The following UNC13B variants were observed in gnomAD, a reference collection of about 807,000 sequenced individuals.
The protein encoded by UNC13B is protein unc-13 homolog B.
In UNC13B, 144 loss-of-function variants were observed where a neutral mutation model predicts 211.0. That is an observed-to-expected ratio of 0.68 (90% CI 0.60 to 0.78). The LOEUF (loss-of-function observed/expected upper bound fraction) is 0.78, where lower values mean the gene tolerates loss of function less well. Ranked by LOEUF, UNC13B falls within the 30% of genes least tolerant of loss-of-function variation. The pLI is 0.00. For missense variants in UNC13B, 1,777 were observed against 2,002.0 expected (o/e 0.89, Z 2.14); for synonymous variants, 709 against 725.8 (o/e 0.98, Z 0.37).
chr9:35,333,107 GTTATAA>G (rs1313530925), intron 11 of UNC13B, among the ~76,000 whole-genome samples: 3 of 146,328 alleles, frequency 2.1e-5, no homozygotes, highest in East Asian at 1.9e-4. Flanking sequence ...ACTTGTTTAT[GTTATAA>G]TTATAATGTA....
chr9:35,390,236 G>T (rs747002279), intron 25 of UNC13B, among the ~76,000 whole-genome samples: 2 of 152,218 alleles, frequency 1.3e-5, no homozygotes, highest in Non-Finnish European at 2.9e-5. Flanking sequence ...AGCCCCAGGG[G>T]ATCCAGAGAC....
intron 6 of UNC13B, among the ~76,000 whole-genome samples, chr9:35,246,929 T>G (rs113616539): frequency 1.1e-4 from 17 of 152,186 alleles, no homozygotes; most frequent in African/African-American, 4.1e-4. Flanking sequence ...ATTGAATCTA[T>G]AAATTACCTT....
intron 11 of UNC13B, among the ~76,000 whole-genome samples, chr9:35,340,051 A>G (rs572316386): frequency 3.9e-5 from 6 of 152,168 alleles, no homozygotes; most frequent in Non-Finnish European, 8.8e-5. Context: ...AATCTTCCCT[A>G]TATTTCTTGT....
intron 7 of UNC13B, among the ~76,000 whole-genome samples, chr9:35,282,366 A>C (rs1828546652): frequency 1.3e-5 from 2 of 151,930 alleles, no homozygotes; most frequent in Non-Finnish European, 2.9e-5. Context: ...TTTAAACACT[A>C]GAGTTTGTTT....
rs138697622 is a variant in UNC13B, at chr9:35,370,324, C to G, written c.9468C>G (p.Ala3156=). Residue 3156 remains alanine, a synonymous_variant, in exon 13 of 40, where the codon GCC becomes GCG. Transcript: ENST00000635942. The part of the protein sequence containing the change: ...SLPQWLPEGP[A]GGLYGIDSMP... ...TATTTTCTTCTCTCCTCAGGCCAGC[C>G]GGAGGGCTCTATGGCATTGACAGCA... The G allele has an allele frequency of 8.1e-6, 13 of 1,613,832 alleles. No individual in the cohort carries two copies. The highest frequency in any genetic ancestry group is 1.3e-5 in the African/African-American group (1 of 75,044).
At chr9:35,355,820 C>G (rs779774393) in intron 11 of UNC13B, among the ~76,000 whole-genome samples, 1 of 152,176 alleles carries the variant, frequency 6.6e-6, no homozygotes, top group Non-Finnish European at 1.5e-5. Context: ...ATTATTTCAG[C>G]ACAGCAACAA....
At position 35,290,773 on chromosome 9, in the gene UNC13B, G is replaced by A. The variant is rs539571448; in HGVS notation, c.527-4923G>A. Among the ~76,000 whole-genome samples the A allele has an allele frequency of 2.0e-5, 3 of 152,116 alleles. No homozygotes were observed. In the South Asian group the frequency reaches 6.3e-4, roughly 32 times the overall value. On this transcript the variant is annotated intron_variant, in intron 7 of 39. Transcript: ENST00000635942. ...TTCTGAGAGAGACCTAGACCAGAAG[G>A]GGGCTTAAAACAATATGGAAGAAGT...
At chr9:35,254,956 T>C (rs1201234686) in intron 6 of UNC13B, among the ~76,000 whole-genome samples, 3 of 121,950 alleles carry the variant, frequency 2.5e-5, no homozygotes, top group South Asian at 2.2e-4. Context: ...ATGTATATAA[T>C]ATAATATATT....
intron 6 of UNC13B, among the ~76,000 whole-genome samples, chr9:35,245,458 C>T (rs1208388095): frequency 1.3e-5 from 2 of 150,908 alleles, no homozygotes. Flanking sequence ...ATTAACTCGT[C>T]ATTTACATTA....
At chr9:35,192,371 G>A (rs1822705295) in intron 1 of UNC13B, among the ~76,000 whole-genome samples, 1 of 152,104 alleles carries the variant, frequency 6.6e-6, no homozygotes, top group Admixed American at 6.6e-5. Context: ...GAGACATATT[G>A]TACATTTCCA....
chr9:35,244,751 A>G (rs537329242), intron 6 of UNC13B, among the ~76,000 whole-genome samples: 1 of 152,294 alleles, frequency 6.6e-6, no homozygotes, highest in East Asian at 1.9e-4. Flanking sequence ...ATTTGATTAT[A>G]TCTGCAGAGA....
At chr9:35,219,723 T>C (rs944271776) in intron 1 of UNC13B, among the ~76,000 whole-genome samples, 3 of 152,110 alleles carry the variant, frequency 2.0e-5, no homozygotes, top group African/African-American at 7.2e-5. Flanking sequence ...GCCACCTTAA[T>C]TTAACAAATG....
chr9:35,182,260 A>G (rs544557004), intron 1 of UNC13B, among the ~76,000 whole-genome samples: 1 of 152,000 alleles, frequency 6.6e-6, no homozygotes, highest in East Asian at 1.9e-4. Flanking sequence ...GCATTTTTAT[A>G]CTTTTTCTCA....
intron 10 of UNC13B, among the ~76,000 whole-genome samples, chr9:35,312,372 T>C (rs1830220863): frequency 6.6e-6 from 1 of 152,224 alleles, no homozygotes; most frequent in African/African-American, 2.4e-5. Flanking sequence ...TGGTAGCTCA[T>C]CTAATAGATG....
At chr9:35,195,177 A>C (rs1466054475) in intron 1 of UNC13B, among the ~76,000 whole-genome samples, 2 of 152,108 alleles carry the variant, frequency 1.3e-5, no homozygotes, top group African/African-American at 4.8e-5. Flanking sequence ...TGGAGCCACT[A>C]TTTTGAACAT....
chr9:35,351,459 C>G (rs1832715312), intron 11 of UNC13B: 1 of 1,231,556 alleles, frequency 8.1e-7, no homozygotes, highest in Non-Finnish European at 1.0e-6. Context: ...CCAAGGTAAT[C>G]TCTATTAAGC....
At chr9:35,364,173 TTAGA>T (rs1271396400) in intron 11 of UNC13B, among the ~76,000 whole-genome samples, 1 of 130,730 alleles carries the variant, frequency 7.6e-6, no homozygotes, top group African/African-American at 4.6e-5. Context: ...CTCAGCCAGC[TTAGA>T]TAGTCTGTTG....
chr9:35,305,036 A>G lies in UNC13B; in HGVS notation c.5632A>G (p.Ile1878Val), dbSNP rs1222059394. The G allele has an allele frequency of 5.0e-6, 2 of 398,864 alleles. No homozygotes were observed. Among genetic ancestry groups the G allele is most frequent in the Non-Finnish European group, 4.4e-6 (1 of 226,008 alleles). 24.7% of individuals were successfully genotyped at this position (398,864 alleles called of 1,614,324 possible). A position where few individuals can be genotyped will look rare whatever the true frequency, so the allele number is the denominator to read the frequency against. ...AKSGVKDDEI[I>V]TTDSISVSPA... ...ATCAGGTGTAAAAGATGATGAAATCATTACAACAGACTCTATTTCAGTTTC... is the reference window on the plus strand; with the variant it reads ...ATCAGGTGTAAAAGATGATGAAATCGTTACAACAGACTCTATTTCAGTTTC... Residue 1878 changes from isoleucine to valine, a missense_variant, in exon 9 of 40, where the codon ATT becomes GTT. Transcript: ENST00000635942.
chr9:35,250,589 T>C (rs1826406308), intron 6 of UNC13B, among the ~76,000 whole-genome samples: 1 of 152,226 alleles, frequency 6.6e-6, no homozygotes, highest in Admixed American at 6.5e-5. Flanking sequence ...GTTTCTCTGC[T>C]TGTTAGCTGT....
Sources: allele counts gnomAD v4.1 joint callset (sites outside exome capture counted in the v4.1 genomes callset), GRCh38; gene constraint gnomAD v4.1.1; transcripts MANE v1.5; gene names NCBI Gene and HGNC (gene_info 2026-07-23, HGNC 2026-07-21).